The following ANKRD12 variants were observed in gnomAD, a reference collection of about 807,000 sequenced individuals.
ANKRD12 encodes the protein ankyrin repeat domain 12, also known as ankyrin repeat domain-containing protein 12.
Under a neutral mutation model 183.4 loss-of-function variants are expected in ANKRD12, and 85 were observed. The ratio of observed to expected loss-of-function variants is 0.46; its 90% confidence interval spans 0.39 to 0.56. The LOEUF is 0.56. Among genes scored for constraint, ANKRD12 ranks in the 20% least tolerant of loss-of-function variants. ANKRD12 has a pLI of 0.00. For synonymous variants in ANKRD12, 914 were observed against 800.2 expected (o/e 1.14, Z -2.40); for missense variants, 2,405 against 2,357.1 (o/e 1.02, Z -0.42).
At chr18:9,184,062 T>C (rs1307307470) in intron 2 of ANKRD12, among the ~76,000 whole-genome samples, 2 of 152,194 alleles carry the variant, frequency 1.3e-5, no homozygotes, top group African/African-American at 4.8e-5. Flanking sequence ...CAGTAAAATA[T>C]AGCAGCTTTG....
intron 10 of ANKRD12, among the ~76,000 whole-genome samples, chr18:9,270,405 C>T (rs376070876): frequency 3.3e-5 from 5 of 152,182 alleles, no homozygotes; most frequent in Non-Finnish European, 5.9e-5. Context: ...AAATGTGGCA[C>T]ATATACACCG....
intron 8 of ANKRD12, among the ~76,000 whole-genome samples, chr18:9,241,212 T>C (rs2037641628): frequency 6.6e-6 from 1 of 152,178 alleles, no homozygotes; most frequent in South Asian, 2.1e-4. Context: ...GTTTTTAGTA[T>C]GTCCAAATAT....
intron 10 of ANKRD12, among the ~76,000 whole-genome samples, chr18:9,272,561 C>CA (rs879720630): frequency 1.9e-3 from 260 of 137,198 alleles, no homozygotes; most frequent in Middle Eastern, 7.4e-3. Context: ...GACTCCATCT[C>CA]AAAAAAAAAA....
At chr18:9,170,438 C>T (rs2032587378) in intron 1 of ANKRD12, among the ~76,000 whole-genome samples, 2 of 152,068 alleles carry the variant, frequency 1.3e-5, no homozygotes, top group Non-Finnish European at 2.9e-5. Flanking sequence ...CTCTAAACTT[C>T]TTGCTTCATT....
intron 10 of ANKRD12, among the ~76,000 whole-genome samples, chr18:9,264,910 C>T (rs537657921): frequency 3.9e-5 from 6 of 152,332 alleles, no homozygotes; most frequent in African/African-American, 9.6e-5. Flanking sequence ...CAGCTGCCAG[C>T]GTGAGCGACG....
chr18:9,258,733 A>G lies in ANKRD12; in HGVS notation c.5466A>G (p.Leu1822=), dbSNP rs760277684. 1.9e-6 allele frequency: 3 copies of G among 1,613,932 alleles called. No individual in the cohort carries two copies. The Admixed American group carries it at 5.0e-5, about 27-fold the overall frequency. ...SLAAIVDSLK[L]DEIQPYSSER... is the part of the protein sequence containing the mutation. ...CAGCCATTGTAGATTCTCTAAAACT[A>G]GATGAGATTCAGCCATACAGTTCAG... Residue 1822 remains leucine, a synonymous_variant, in exon 9 of 13, where the codon CTA becomes CTG. Coordinates refer to ENST00000262126, the MANE Select transcript of ANKRD12 (RefSeq NM_015208.5).
intron 1 of ANKRD12, among the ~76,000 whole-genome samples, chr18:9,163,430 GT>G (rs2031677453): frequency 6.6e-6 from 1 of 152,142 alleles, no homozygotes; most frequent in Non-Finnish European, 1.5e-5. Context: ...GTACCTTGCT[GT>G]TTTGGTTGCT....
At chr18:9,263,597 T>G (rs2039110804) in intron 9 of ANKRD12, among the ~76,000 whole-genome samples, 193 bp from the exon 10 acceptor site, 1 of 152,208 alleles carries the variant, frequency 6.6e-6, no homozygotes, top group Non-Finnish European at 1.5e-5. Context: ...GGCCTTAGAA[T>G]CAAAACATCT....
At position 9,256,221 on chromosome 18, in the gene ANKRD12, G is replaced by A. The variant is rs573152756; in HGVS notation, c.2954G>A (p.Ser985Asn). The A allele has an allele frequency of 4.4e-6, 7 of 1,585,742 alleles. No homozygotes were observed. The South Asian group carries it at 7.1e-5, about 16-fold the overall frequency. The change falls in exon 9 of 13, where the codon AGT (serine) becomes AAT (asparagine). Residue 985 changes from serine to asparagine, a missense_variant. Physicochemically the swap from Ser to Asn is conservative, Grantham distance 46. Around this residue, in one of 7 missense-constraint regions of ANKRD12, gnomAD observed 1,983 missense variants for 1,725.9 expected, o/e 1.15. Transcript: ENST00000262126. ...CACATACAGGAAGAAAAAAAATCAA[G>A]TATAGTAGACGGTAATAAAGCACAA... Reference protein sequence around the residue: ...SKHIQEEKKSSIVDGNKAQHE... With the variant: ...SKHIQEEKKSNIVDGNKAQHE...
chr18:9,187,989 A>G (rs1414103499), intron 2 of ANKRD12, among the ~76,000 whole-genome samples: 1 of 152,222 alleles, frequency 6.6e-6, no homozygotes, highest in East Asian at 1.9e-4. Context: ...TAGAAAATAC[A>G]TATAAGAATA....
At chr18:9,137,337 G>T (rs1424666127) in intron 1 of ANKRD12, among the ~76,000 whole-genome samples, 5 of 146,546 alleles carry the variant, frequency 3.4e-5, no homozygotes, top group Admixed American at 1.4e-4. Context: ...CCGCGAGCTG[G>T]CCTCGTCGCG....
intron 1 of ANKRD12, among the ~76,000 whole-genome samples, chr18:9,170,936 A>G (rs1329866088): frequency 6.6e-6 from 1 of 152,138 alleles, no homozygotes. Context: ...CAGGACCCTC[A>G]GCTGCAGGTC....
intron 1 of ANKRD12, among the ~76,000 whole-genome samples, chr18:9,174,977 C>CA (rs1299780869): frequency 2.0e-5 from 3 of 152,142 alleles, no homozygotes; most frequent in East Asian, 1.9e-4. Flanking sequence ...ATTCCTGAGA[C>CA]AGAGTCTTGC....
rs564391419 is a variant in ANKRD12 at position 9,170,246 on chromosome 18, T to C, written c.-51-12136T>C. Among the ~76,000 whole-genome samples the C allele has an allele frequency of 2.0e-4, 31 of 152,278 alleles. No individual in the cohort carries two copies. The East Asian group carries it at 5.8e-3, about 28-fold the overall frequency. ...GTGGCATTCTCTGTATTTCCTGAAT[T>C]TGAATGTTGGCCTGCCTTGCTAGAT... On this transcript the variant is annotated intron_variant, in intron 1 of 12. Coordinates refer to ENST00000262126, the MANE Select transcript of ANKRD12 (RefSeq NM_015208.5).
intron 11 of ANKRD12, 76 bp downstream of exon 11, chr18:9,275,743 A>T: frequency 7.3e-7 from 1 of 1,365,824 alleles, no homozygotes; most frequent in Non-Finnish European, 9.8e-7. Flanking sequence ...ATCTATTTCC[A>T]TAGAAAGAAC....
At chr18:9,182,588 A>G (rs2033777604) in intron 2 of ANKRD12, 69 bp downstream of exon 2, 1 of 1,068,560 alleles carries the variant, frequency 9.4e-7, no homozygotes, top group South Asian at 1.6e-5. Context: ...AAGTATTTTT[A>G]GTGATTTCTC....
chr18:9,141,803 G>A (rs1231913366), intron 1 of ANKRD12, among the ~76,000 whole-genome samples: 1 of 152,158 alleles, frequency 6.6e-6, no homozygotes, highest in African/African-American at 2.4e-5. Context: ...ACAAATGTTA[G>A]CAATAAGTAC....
Position 9,195,631 on chromosome 18 carries a change from A to G in ANKRD12, c.168A>G (p.Ser56=). The change falls in exon 3 of 13, where the codon TCA becomes TCG. Residue 56 remains serine, a synonymous_variant. Transcript: ENST00000262126. ...SDVSKEMKEK[S]SMKRKLPFTI... is the part of the protein sequence containing the mutation. ...TGAGCAAGGAGATGAAAGAGAAATC[A>G]TCCATGAAACGTAAACTTCCTTTTA... The G allele has an allele frequency of 1.2e-6, 2 of 1,613,352 alleles. No homozygotes were observed. Among genetic ancestry groups the G allele is most frequent in the Non-Finnish European group, 1.7e-6 (2 of 1,179,634 alleles).
At chr18:9,225,429 G>A (rs1384089683) in intron 8 of ANKRD12, among the ~76,000 whole-genome samples, 3 of 94,072 alleles carry the variant, frequency 3.2e-5, no homozygotes, top group African/African-American at 9.7e-5. Context: ...AGCTGAGGTC[G>A]TGCCACTGCA....
Sources: allele counts gnomAD v4.1 joint callset (sites outside exome capture counted in the v4.1 genomes callset), GRCh38; gene constraint gnomAD v4.1.1; regional missense constraint gnomAD v4.1.1; transcripts MANE v1.5; gene names NCBI Gene and HGNC (gene_info 2026-07-23, HGNC 2026-07-21).